WDR27: variants seen among roughly 807,000 people sequenced by gnomAD.
The protein encoded by WDR27 is WD repeat domain 27, also known as WD repeat-containing protein 27.
In WDR27, 100 loss-of-function variants were observed where a neutral mutation model predicts 114.4. That is an observed-to-expected ratio of 0.87 (90% CI 0.74 to 1.03). The LOEUF (loss-of-function observed/expected upper bound fraction) is 1.03. Among genes scored for constraint, WDR27 ranks in the 50% least tolerant of loss-of-function variants. The pLI is 0.00. For missense variants in WDR27, 1,129 were observed against 1,092.9 expected (o/e 1.03, Z -0.47); for synonymous variants, 449 against 423.1 (o/e 1.06, Z -0.75).
At position 169,543,411 on chromosome 6, in the gene WDR27, T is replaced by C. The variant is rs149651858; in HGVS notation, c.2645+29008A>G. Among the ~76,000 whole-genome samples the C allele has an allele frequency of 2.5e-3, 382 of 152,234 alleles. 3 individuals carry two copies. Among genetic ancestry groups the C allele is most frequent in the African/African-American group, 8.2e-3 (339 of 41,566 alleles). ...ACCCCCTTCATACTCTTAAAAGTTA[T>C]TGAGGATTCCAAAGGGCTTTTACTC... On this transcript the variant is annotated intron_variant, in intron 25 of 25. Coordinates refer to ENST00000448612, the MANE Select transcript of WDR27 (RefSeq NM_182552.5).
chr6:169,472,214 CT>C (rs1217476818), intron 25 of WDR27, among the ~76,000 whole-genome samples: 1 of 152,042 alleles, frequency 6.6e-6, no homozygotes, highest in East Asian at 1.9e-4. Context: ...AATAACAGGG[CT>C]TTTTTAGAGC....
chr6:169,676,739 T>G (rs1342094631), intron 2 of WDR27, among the ~76,000 whole-genome samples: 1 of 152,206 alleles, frequency 6.6e-6, no homozygotes, highest in East Asian at 1.9e-4. Context: ...TTCAACCAAT[T>G]GCAATTTAGA....
chr6:169,441,815 A>G, the WDR27 span, among the ~76,000 whole-genome samples: 2 of 152,242 alleles, frequency 1.3e-5, no homozygotes, highest in African/African-American at 2.4e-5. Context: ...GTCTGTGTGT[A>G]TGCTTCAAGC....
intron 16 of WDR27, among the ~76,000 whole-genome samples, chr6:169,645,390 C>T (rs1269958311): frequency 4.6e-5 from 7 of 151,648 alleles, no homozygotes; most frequent in Non-Finnish European, 8.8e-5. Context: ...TCGCAGGAGT[C>T]CCACTGTAGA....
chr6:169,680,537 G>A (rs1781237208), intron 2 of WDR27, among the ~76,000 whole-genome samples: 1 of 152,166 alleles, frequency 6.6e-6, no homozygotes, highest in East Asian at 1.9e-4. Context: ...AGCCAAGATT[G>A]CGCCACTGCA....
intron 13 of WDR27, chr6:169,658,015 C>A: frequency 2.9e-6 from 1 of 339,788 alleles, no homozygotes. Flanking sequence ...CAACAGGCAC[C>A]AGAGGAACAG....
intron 21 of WDR27, among the ~76,000 whole-genome samples, 166 bp from the exon 22 acceptor site, chr6:169,613,822 G>C (rs936301325): frequency 2.2e-4 from 34 of 152,114 alleles, no homozygotes; most frequent in African/African-American, 6.5e-4. Context: ...TCTACATAAA[G>C]TAGTTAATGA....
intron 21 of WDR27, among the ~76,000 whole-genome samples, chr6:169,621,525 T>C (rs553833947): frequency 1.7e-3 from 224 of 129,392 alleles, no homozygotes; most frequent in African/African-American, 6.2e-3. Context: ...CACATATACA[T>C]ACACACACAC....
At chr6:169,446,289 G>T in the WDR27 span, among the ~76,000 whole-genome samples, 3 of 152,180 alleles carry the variant, frequency 2.0e-5, no homozygotes, top group Non-Finnish European at 4.4e-5. Flanking sequence ...GAGGCAGGGT[G>T]GGGGGACTTC....
chr6:169,679,971 C>G (rs1015603055), intron 2 of WDR27, among the ~76,000 whole-genome samples: 1 of 152,114 alleles, frequency 6.6e-6, no homozygotes, highest in Non-Finnish European at 1.5e-5. Context: ...AAGATAATAA[C>G]AGAATTCTCA....
At chr6:169,557,316 C>T (rs1455583578) in intron 25 of WDR27, among the ~76,000 whole-genome samples, 1 of 152,198 alleles carries the variant, frequency 6.6e-6, no homozygotes, top group Non-Finnish European at 1.5e-5. Flanking sequence ...CATGTGACAA[C>T]CCGGAACAGA....
chr6:169,493,352 T>C lies in WDR27; in HGVS notation c.2646-35718A>G, dbSNP rs371243815. 1.3e-4 allele frequency among the ~76,000 whole-genome samples: 20 copies of C among 152,190 alleles called. No homozygotes were observed. The South Asian group carries it at 2.5e-3, about 19-fold the overall frequency. On this transcript the variant is annotated intron_variant, in intron 25 of 25. Transcript: ENST00000448612. ...CACAATCTTTATGCACCTAAAAATA[T>C]AGCATCAAAATACCTAAAGCTAGGC...
In WDR27 at chr6:169,701,992, G is replaced by A. The variant is rs1237005998; in HGVS notation, c.-449C>T. 1 of 415,364 alleles carries A rather than the reference G, an allele frequency of 2.4e-6. No homozygotes were observed. The highest frequency in any genetic ancestry group is 2.0e-5 in the African/African-American group (1 of 49,152). 25.7% of individuals were successfully genotyped at this position (415,364 alleles called of 1,614,324 possible). On this transcript the variant is annotated 5_prime_UTR_variant, in exon 1 of 26. Transcript: ENST00000448612. Reference sequence around the variant, plus strand: ...CACTCCGCCCCACGCTCGCCGCTATGGTTACTTGCCAGCCGACCCACGCGA... The same window carrying A: ...CACTCCGCCCCACGCTCGCCGCTATAGTTACTTGCCAGCCGACCCACGCGA...
At chr6:169,440,217 A>C in the WDR27 span, among the ~76,000 whole-genome samples, 1 of 152,164 alleles carries the variant, frequency 6.6e-6, no homozygotes, top group African/African-American at 2.4e-5. Context: ...TATTGTTTTT[A>C]GACTGTAACC....
the WDR27 span, among the ~76,000 whole-genome samples, chr6:169,446,951 T>C: frequency 6.6e-6 from 1 of 152,252 alleles, no homozygotes; most frequent in Non-Finnish European, 1.5e-5. Context: ...AAAGTTGGTC[T>C]TTCTAAAATG....
intron 25 of WDR27, among the ~76,000 whole-genome samples, chr6:169,471,408 A>C (rs1375265816): frequency 6.6e-6 from 1 of 152,102 alleles, no homozygotes. Flanking sequence ...TTCTGCCCTC[A>C]AAGAGTAGTA....
chr6:169,467,560 A>G (rs1785757530), intron 25 of WDR27, among the ~76,000 whole-genome samples: 1 of 152,226 alleles, frequency 6.6e-6, no homozygotes, highest in Non-Finnish European at 1.5e-5. Context: ...CACCCTCTGA[A>G]GCAATGGCCT....
the WDR27 span, among the ~76,000 whole-genome samples, chr6:169,430,702 G>A: frequency 6.6e-6 from 1 of 152,342 alleles, no homozygotes; most frequent in Admixed American, 6.5e-5. Context: ...CTGGCACAGA[G>A]CTGTCCTCAT....
At chr6:169,668,935 A>T (rs1287514564) in intron 4 of WDR27, among the ~76,000 whole-genome samples, 1 of 152,266 alleles carries the variant, frequency 6.6e-6, no homozygotes, top group Non-Finnish European at 1.5e-5. Context: ...TGAGTACATT[A>T]TGCCAGTTAC....
Sources: gnomAD v4.1 joint callset for allele counts (sites outside exome capture counted in the v4.1 genomes callset) on GRCh38, gnomAD v4.1.1 for gene constraint, MANE v1.5 for transcripts, NCBI Gene and HGNC (gene_info 2026-07-23, HGNC 2026-07-21) for gene names.